Variants in NCOA3 observed in about 807,000 individuals in gnomAD.
NCOA3 encodes nuclear receptor coactivator 3.
In NCOA3, 51 loss-of-function variants were observed where a neutral mutation model predicts 158.8. That is an observed-to-expected ratio of 0.32 (90% CI 0.26 to 0.41). The LOEUF is 0.41. Among genes scored for constraint, NCOA3 ranks in the 10% least tolerant of loss-of-function variants. The pLI, the probability that NCOA3 is intolerant of heterozygous loss-of-function variation, is 1.00. For missense variants in NCOA3, 1,510 were observed against 1,746.6 expected (o/e 0.86, Z 2.41); for synonymous variants, 537 against 592.4 (o/e 0.91, Z 1.36).
At chr20:47,562,221 A>G (rs980280413) in intron 1 of NCOA3, among the ~76,000 whole-genome samples, 1 of 152,212 alleles carries the variant, frequency 6.6e-6, no homozygotes, top group Non-Finnish European at 1.5e-5. Context: ...GCACCTGTGT[A>G]TAGGTTTTTG....
intron 1 of NCOA3, among the ~76,000 whole-genome samples, chr20:47,555,632 G>GTTTTGT (rs2084990890): frequency 4.7e-5 from 3 of 64,154 alleles, no homozygotes; most frequent in Non-Finnish European, 8.2e-5. Flanking sequence ...CTATTAAAGT[G>GTTTTGT]TTTTTTTTTT....
intron 2 of NCOA3, among the ~76,000 whole-genome samples, chr20:47,620,168 A>G (rs1033948032): frequency 5.9e-5 from 9 of 152,178 alleles, no homozygotes; most frequent in Admixed American, 3.9e-4. Flanking sequence ...TCTGGAGTGC[A>G]TTGGCGTGAT....
At chr20:47,624,143 G>A (rs535139099) in intron 4 of NCOA3, 60 bp downstream of exon 4, 389 of 1,485,986 alleles carry the variant, frequency 2.6e-4, no homozygotes, top group Non-Finnish European at 3.3e-4. Flanking sequence ...TTGGCACCAG[G>A]GACTGGTTTT....
Position 47,623,904 on chromosome 20 carries a change from C to T in NCOA3, c.84-7C>T, listed in dbSNP as rs1377688914. 2 of 1,607,356 alleles carry T rather than the reference C, an allele frequency of 1.2e-6. No homozygotes were observed. Among genetic ancestry groups the T allele is most frequent in the Non-Finnish European group, 1.7e-6 (2 of 1,178,454 alleles). On this transcript the variant is annotated splice_region_variant and splice_polypyrimidine_tract_variant and intron_variant, in intron 3 of 22. Coordinates refer to ENST00000371998, the MANE Select transcript of NCOA3 (RefSeq NM_181659.3). Reference sequence around the variant, plus strand: ...CCTTTCCCCCCTTTCTACGCCTTTTCCCTTAGTCTTACCTGCAGTGGTGAA... The same window carrying T: ...CCTTTCCCCCCTTTCTACGCCTTTTTCCTTAGTCTTACCTGCAGTGGTGAA...
rs1446774365 is a variant in NCOA3, at chr20:47,656,644, CGAA to C, written c.*3231_*3233del. 2 of 152,360 alleles carry C rather than the reference CGAA, an allele frequency of 1.3e-5. No individual in the cohort carries two copies. Among genetic ancestry groups the C allele is most frequent in the Non-Finnish European group, 2.9e-5 (2 of 68,008 alleles). The allele number at this position is 152,360 out of a possible 1,614,324, so 9.4% of individuals were successfully genotyped here. ...TCTTCCTTTCTAATATATGGAGTTT[CGAA>C]GAATAAAATATGAGAGCAATATTTA... On this transcript the variant is annotated 3_prime_UTR_variant, in exon 23 of 23. Coordinates refer to ENST00000371998, the MANE Select transcript of NCOA3 (RefSeq NM_181659.3).
chr20:47,576,516 A>G (rs2085374718), intron 1 of NCOA3, among the ~76,000 whole-genome samples: 1 of 152,190 alleles, frequency 6.6e-6, no homozygotes, highest in African/African-American at 2.4e-5. Context: ...TAATTACTCG[A>G]TCATTTCTCC....
intron 18 of NCOA3, 32 bp downstream of exon 18, chr20:47,647,398 C>T: frequency 6.3e-7 from 1 of 1,595,536 alleles, no homozygotes; most frequent in Non-Finnish European, 8.6e-7. Context: ...CCTCTGGCTT[C>T]TCCTTCTGTT....
intron 1 of NCOA3, among the ~76,000 whole-genome samples, chr20:47,550,192 C>T: frequency 6.7e-6 from 1 of 150,328 alleles, no homozygotes. Flanking sequence ...CACCTGTAAT[C>T]CCGGCACTTT....
Position 47,533,850 on chromosome 20 carries a change from C to T in NCOA3, c.-99+31831C>T, listed in dbSNP as rs2084589972. Among the ~76,000 whole-genome samples, 4 of 152,212 alleles carry T rather than the reference C, an allele frequency of 2.6e-5. No individual in the cohort carries two copies. In the South Asian group the frequency reaches 8.3e-4, roughly 32 times the overall value. ...CTGAGCTGGGAGGATTGCTTGAACC[C>T]AGGAGGTTGAGGCTGCCGTGAGCTG... On this transcript the variant is annotated intron_variant, in intron 1 of 22. Coordinates refer to ENST00000371998, the MANE Select transcript of NCOA3 (RefSeq NM_181659.3).
At chr20:47,519,615 T>A (rs761462284) in intron 1 of NCOA3, among the ~76,000 whole-genome samples, 1 of 151,532 alleles carries the variant, frequency 6.6e-6, no homozygotes, top group Non-Finnish European at 1.5e-5. Context: ...AGACGGTGAT[T>A]AAGAACTGAA....
At position 47,627,761 on chromosome 20, in the gene NCOA3, T is replaced by C. The variant is rs2146306636; in HGVS notation, c.721+12T>C. ...GGAGGAAGGGGAAGGTAAGAGCTAT[T>C]ATATGTTTGTGATGTTCATGAAACA... On this transcript the variant is annotated intron_variant, in intron 7 of 22. Transcript: ENST00000371998. 6.2e-7 allele frequency: 1 copy of C among 1,610,538 alleles called. No individual in the cohort carries two copies. Among genetic ancestry groups the C allele is most frequent in the Non-Finnish European group, 8.5e-7 (1 of 1,177,932 alleles).
At chr20:47,504,593 A>G (rs1204994740) in intron 1 of NCOA3, among the ~76,000 whole-genome samples, 1 of 150,048 alleles carries the variant, frequency 6.7e-6, no homozygotes, top group African/African-American at 2.5e-5. Context: ...TCACGAGGTC[A>G]GGAGTTTGAG....
intron 1 of NCOA3, among the ~76,000 whole-genome samples, chr20:47,521,705 A>G (rs2084337314): frequency 6.6e-6 from 1 of 152,206 alleles, no homozygotes; most frequent in Non-Finnish European, 1.5e-5. Context: ...AGGGAAGTTA[A>G]GTTTAAAAGT....
chr20:47,622,213 C>T lies in NCOA3; in HGVS notation c.-19-16C>T, dbSNP rs1405945608. On this transcript the variant is annotated splice_polypyrimidine_tract_variant and intron_variant, in intron 2 of 22. Transcript: ENST00000371998. Reference sequence around the variant, plus strand: ...TTTTTAATGTACTTATCTTATTTCTCATTATTCTCTCTTAGTTGCTGATGT... The same window carrying T: ...TTTTTAATGTACTTATCTTATTTCTTATTATTCTCTCTTAGTTGCTGATGT... The T allele has an allele frequency of 1.7e-5, 23 of 1,344,386 alleles. No homozygotes were observed. The highest frequency in any genetic ancestry group is 2.4e-5 in the Non-Finnish European group (23 of 944,880). The allele number at this position is 1,344,386 out of a possible 1,614,324, so 83.3% of individuals were successfully genotyped here.
intron 2 of NCOA3, among the ~76,000 whole-genome samples, chr20:47,585,469 T>C (rs1377592969): frequency 6.6e-6 from 1 of 152,220 alleles, no homozygotes; most frequent in Non-Finnish European, 1.5e-5. Flanking sequence ...ATCATTCTCT[T>C]GGTTAGCTAG....
intron 1 of NCOA3, among the ~76,000 whole-genome samples, chr20:47,511,707 G>A (rs2084145021): frequency 1.3e-5 from 2 of 150,548 alleles, no homozygotes; most frequent in African/African-American, 2.4e-5. Flanking sequence ...GCACTACCAC[G>A]TGGACCCAGC....
chr20:47,632,480 C>T (rs1002450239), intron 8 of NCOA3, among the ~76,000 whole-genome samples: 3 of 151,556 alleles, frequency 2.0e-5, no homozygotes, highest in Non-Finnish European at 2.9e-5. Flanking sequence ...CTCTGCCTCC[C>T]GGGTTCAAGC....
chr20:47,522,412 T>C (rs531118998), intron 1 of NCOA3, among the ~76,000 whole-genome samples: 56 of 150,906 alleles, frequency 3.7e-4, no homozygotes, highest in Admixed American at 3.3e-3. Context: ...GGCCCTTTTT[T>C]TTTTTTTTTT....
chr20:47,504,478 C>CTT (rs58220390), intron 1 of NCOA3, among the ~76,000 whole-genome samples: 1,070 of 98,634 alleles, frequency 0.011, 15 homozygotes, highest in South Asian at 0.027. Flanking sequence ...CTAAGTGTGT[C>CTT]TTTTTTTTTT....
Sources: allele counts gnomAD v4.1 joint callset (sites outside exome capture counted in the v4.1 genomes callset), GRCh38; gene constraint gnomAD v4.1.1; transcripts MANE v1.5; gene names NCBI Gene and HGNC (gene_info 2026-07-23, HGNC 2026-07-21).